DIS3L2: variants seen among roughly 807,000 people sequenced by gnomAD.
The protein encoded by DIS3L2 is DIS3 like 3'-5' exoribonuclease 2.
In DIS3L2, 34 loss-of-function variants were observed where a neutral mutation model predicts 97.5. That is an observed-to-expected ratio of 0.35 (90% CI 0.27 to 0.46). The LOEUF is 0.46. Ranked by LOEUF, DIS3L2 falls within the 20% of genes least tolerant of loss-of-function variation. DIS3L2 has a pLI of 1.00. For synonymous variants in DIS3L2, 435 were observed against 445.2 expected (o/e 0.98, Z 0.29); for missense variants, 1,038 against 1,146.0 (o/e 0.91, Z 1.36).
intron 13 of DIS3L2, among the ~76,000 whole-genome samples, chr2:232,287,397 C>G (rs1370565961): frequency 8.9e-5 from 6 of 67,132 alleles, no homozygotes; most frequent in Non-Finnish European, 1.2e-4. Flanking sequence ...CGCCCCCCCC[C>G]CCCCCCGCTT....
In DIS3L2 at chr2:232,263,323, C is replaced by G. The variant is rs1559181322; in HGVS notation, c.1542C>G (p.Pro514=). ...AGAAAATCCCTGCGAAAGAGCTGCC[C>G]CCCATTTCCCCAGAGCATAGCAGCG... is the stretch of plus-strand genomic sequence containing the variant. The part of the protein sequence containing the change: ...PTEKIPAKEL[P]PISPEHSSEE... The change falls in exon 13 of 21, where the codon CCC becomes CCG. Residue 514 remains proline (P), a synonymous_variant. Coordinates refer to ENST00000325385, the MANE Select transcript of DIS3L2 (RefSeq NM_152383.5). 1.2e-6 allele frequency: 2 copies of G among 1,614,204 alleles called. No individual in the cohort carries two copies. Among genetic ancestry groups the G allele is most frequent in the Admixed American group, 1.7e-5 (1 of 60,028 alleles).
At chr2:232,013,419 A>G (rs1262372690) in intron 1 of DIS3L2, among the ~76,000 whole-genome samples, 3 of 152,194 alleles carry the variant, frequency 2.0e-5, no homozygotes, top group African/African-American at 7.2e-5. Flanking sequence ...GCCTCCCTTC[A>G]TATAGGCTGG....
intron 6 of DIS3L2, among the ~76,000 whole-genome samples, chr2:232,095,422 A>T (rs1466281433): frequency 6.6e-6 from 1 of 152,244 alleles, no homozygotes; most frequent in East Asian, 1.9e-4. Context: ...ATAAATAAGC[A>T]AAAAGAAAAC....
chr2:232,261,971 G>T (rs1397765296), intron 12 of DIS3L2, among the ~76,000 whole-genome samples: 1 of 152,208 alleles, frequency 6.6e-6, no homozygotes, highest in Non-Finnish European at 1.5e-5. Flanking sequence ...CATATGGAGA[G>T]TGTGAACAAT....
intron 6 of DIS3L2, among the ~76,000 whole-genome samples, chr2:232,103,548 T>C (rs1305620038): frequency 1.3e-5 from 2 of 152,232 alleles, no homozygotes; most frequent in Non-Finnish European, 2.9e-5. Flanking sequence ...ATGACCTTCA[T>C]TTAGTCATGG....
chr2:232,059,511 G>A (rs540727520), intron 5 of DIS3L2, among the ~76,000 whole-genome samples: 7 of 151,940 alleles, frequency 4.6e-5, no homozygotes, highest in African/African-American at 9.7e-5. Flanking sequence ...TTTAGATTCC[G>A]GGAGTACATG....
chr2:232,133,987 CAA>C (rs60195881), intron 7 of DIS3L2, among the ~76,000 whole-genome samples: 23 of 76,292 alleles, frequency 3.0e-4, no homozygotes, highest in Middle Eastern at 6.0e-3. Flanking sequence ...GACTCTGTCT[CAA>C]AAAAAAAAAA....
intron 14 of DIS3L2, among the ~76,000 whole-genome samples, chr2:232,317,013 A>C (rs566378885): frequency 3.9e-4 from 60 of 152,290 alleles, no homozygotes; most frequent in Non-Finnish European, 6.8e-4. Flanking sequence ...TAACTCTCAC[A>C]TCCTTAAGGC....
chr2:231,976,126 C>T (rs1693083732), intron 1 of DIS3L2, among the ~76,000 whole-genome samples: 1 of 152,116 alleles, frequency 6.6e-6, no homozygotes, highest in Admixed American at 6.5e-5. Context: ...AAGAGGCTTT[C>T]TTTACATGGA....
At chr2:232,018,531 G>A (rs960951538) in intron 3 of DIS3L2, among the ~76,000 whole-genome samples, 1 of 152,066 alleles carries the variant, frequency 6.6e-6, no homozygotes, top group East Asian at 1.9e-4. Context: ...CAAGCCTTGC[G>A]GGGTAAGGTA....
chr2:232,206,196 T>C (rs923194748), intron 9 of DIS3L2, among the ~76,000 whole-genome samples: 3 of 152,238 alleles, frequency 2.0e-5, no homozygotes, highest in African/African-American at 7.2e-5. Flanking sequence ...GGTCAAGAAC[T>C]GTTGATACCG....
chr2:232,000,906 A>G (rs911345644), intron 1 of DIS3L2, among the ~76,000 whole-genome samples: 24 of 151,096 alleles, frequency 1.6e-4, no homozygotes, highest in African/African-American at 5.6e-4. Flanking sequence ...GTTAAACCGA[A>G]TGGTATTCCA....
intron 5 of DIS3L2, among the ~76,000 whole-genome samples, chr2:232,065,570 T>C (rs1185303580): frequency 6.6e-6 from 1 of 151,682 alleles, no homozygotes; most frequent in African/African-American, 2.4e-5. Flanking sequence ...ATTAATCTAT[T>C]TATCTATCCT....
intron 7 of DIS3L2, chr2:232,131,737 A>G (rs1278768175): frequency 1.3e-5 from 2 of 152,064 alleles, no homozygotes; most frequent in African/African-American, 2.4e-5. Flanking sequence ...CTACCAAGCA[A>G]GTTGATTAAT....
At chr2:232,067,557 G>T (rs1695885637) in intron 5 of DIS3L2, among the ~76,000 whole-genome samples, 1 of 152,128 alleles carries the variant, frequency 6.6e-6, no homozygotes. Context: ...CTCAGCATAT[G>T]GTCTATTGTG....
chr2:232,312,657 T>C (rs1695169069), intron 14 of DIS3L2, among the ~76,000 whole-genome samples: 1 of 152,244 alleles, frequency 6.6e-6, no homozygotes, highest in Non-Finnish European at 1.5e-5. Flanking sequence ...CTAGGATTTA[T>C]ATTGAGATTG....
chr2:232,049,770 C>T (rs1402171593), intron 5 of DIS3L2, among the ~76,000 whole-genome samples: 1 of 152,150 alleles, frequency 6.6e-6, no homozygotes, highest in Non-Finnish European at 1.5e-5. Flanking sequence ...TTGGTTTTAT[C>T]ATCTTCAGTA....
At chr2:232,183,840 G>A (rs1173306471) in intron 9 of DIS3L2, among the ~76,000 whole-genome samples, 1 of 152,146 alleles carries the variant, frequency 6.6e-6, no homozygotes, top group East Asian at 1.9e-4. Flanking sequence ...GGGTTTTCAG[G>A]GAACTGCTGG....
intron 10 of DIS3L2, among the ~76,000 whole-genome samples, chr2:232,230,752 C>T (rs1574960305): frequency 6.6e-6 from 1 of 152,106 alleles, no homozygotes; most frequent in Admixed American, 6.5e-5. Flanking sequence ...CCACTTAGCG[C>T]TCCCTGGTGG....
Sources: allele counts gnomAD v4.1 joint callset (sites outside exome capture counted in the v4.1 genomes callset), GRCh38; gene constraint gnomAD v4.1.1; transcripts MANE v1.5; gene names NCBI Gene and HGNC (gene_info 2026-07-23, HGNC 2026-07-21).